Variants in FSIP2 observed in about 807,000 individuals in gnomAD.
FSIP2 encodes fibrous sheath-interacting protein 2.
In FSIP2, 367 loss-of-function variants were observed where a neutral mutation model predicts 510.5. The observed-to-expected ratio is 0.72, with a 90% CI of 0.66 to 0.78. FSIP2 has a LOEUF of 0.78. Among genes scored for constraint, FSIP2 ranks in the 30% least tolerant of loss-of-function variants. The pLI, the probability that FSIP2 is intolerant of heterozygous loss-of-function variation, is 0.00. For missense variants in FSIP2, 7,594 were observed against 7,901.7 expected (o/e 0.96, Z 1.48); for synonymous variants, 2,601 against 2,732.2 (o/e 0.95, Z 1.50).
At chr2:185,768,567 T>C (rs1692543882) in intron 13 of FSIP2, among the ~76,000 whole-genome samples, 1 of 152,182 alleles carries the variant, frequency 6.6e-6, no homozygotes, top group East Asian at 1.9e-4. Flanking sequence ...GGCATATAGT[T>C]ATTTTCCATA....
chr2:185,784,394 G>A (rs187620892), intron 14 of FSIP2, among the ~76,000 whole-genome samples: 2 of 152,098 alleles, frequency 1.3e-5, no homozygotes, highest in East Asian at 1.9e-4. Context: ...TTTAGTGGGG[G>A]TGTAATGGTC....
intron 9 of FSIP2, among the ~76,000 whole-genome samples, chr2:185,759,823 T>A (rs1574159835): frequency 6.6e-6 from 1 of 150,668 alleles, no homozygotes; most frequent in East Asian, 1.9e-4. Flanking sequence ...TCTTCTTCAA[T>A]TTCCTGGAAG....
rs1464154598 is a variant in FSIP2, at chr2:185,795,291, G to A, written c.8155G>A (p.Ala2719Thr). ...TAIGLSHIMSAGDAKNLLDTK... is the reference protein window; with the variant it reads ...TAIGLSHIMSTGDAKNLLDTK... ...CATTGGGTTGTCACACATCATGTCA[G>A]CTGGAGATGCCAAAAATTTACTGGA... is the stretch of plus-strand genomic sequence containing the variant. Residue 2719 changes from alanine (A) to threonine (T), a missense_variant, in exon 16 of 23, where the codon GCT becomes ACT. Ala to Thr is a moderately conservative substitution (Grantham distance 58). Transcript: ENST00000424728. The A allele has an allele frequency of 6.5e-7, 1 of 1,535,082 alleles. No homozygotes were observed. The highest frequency in any genetic ancestry group is 2.0e-5 in the Admixed American group (1 of 50,894).
rs530431459 is a variant in FSIP2, at chr2:185,746,073, T to C, written c.617+505T>C. On this transcript the variant is annotated intron_variant, in intron 5 of 22. Transcript: ENST00000424728. Reference sequence around the variant, plus strand: ...ATTTCTTAGGAAGTAAAGGATGTTATAGTTCTTTTTCCTTCACTAGGGATG... The same window carrying C: ...ATTTCTTAGGAAGTAAAGGATGTTACAGTTCTTTTTCCTTCACTAGGGATG... Among the ~76,000 whole-genome samples the C allele has an allele frequency of 1.1e-4, 16 of 152,256 alleles. 1 individual carries two copies. The South Asian group carries it at 3.3e-3, about 32-fold the overall frequency.
intron 16 of FSIP2, among the ~76,000 whole-genome samples, chr2:185,799,327 A>G (rs1693368073): frequency 6.6e-6 from 1 of 151,800 alleles, no homozygotes; most frequent in Admixed American, 6.6e-5. Context: ...ATTTTAAAAT[A>G]ATTATATGGC....
Position 185,813,722 on chromosome 2 carries a change from G to A in FSIP2, c.20005G>A (p.Val6669Ile). 1 of 1,611,530 alleles carries A rather than the reference G, an allele frequency of 6.2e-7. No homozygotes were observed. Among genetic ancestry groups the A allele is most frequent in the Non-Finnish European group, 8.5e-7 (1 of 1,178,584 alleles). The change falls in exon 18 of 23, where the codon GTT becomes ATT. Residue 6669 changes from valine (V) to isoleucine (I), a missense_variant. Physicochemically the swap from Val to Ile is conservative, Grantham distance 29. Coordinates refer to ENST00000424728, the MANE Select transcript of FSIP2 (RefSeq NM_173651.4). ...EERDSDEDEV[V>I]LTQTFAKEEG... is the part of the protein sequence containing the mutation. ...ACGAGATTCTGATGAAGATGAAGTT[G>A]TTTTAACACAGACTTTTGCAAAAGA... is the stretch of plus-strand genomic sequence containing the variant.
Position 185,791,689 on chromosome 2 carries a change from T to C in FSIP2, c.4553T>C (p.Ile1518Thr). 2.0e-6 allele frequency: 3 copies of C among 1,534,350 alleles called. No individual in the cohort carries two copies. Among genetic ancestry groups the C allele is most frequent in the Non-Finnish European group, 2.6e-6 (3 of 1,145,604 alleles). The change falls in exon 16 of 23, where the codon ATT (isoleucine) becomes ACT (threonine). Residue 1518 changes from isoleucine (I) to threonine (T), a missense_variant. By Grantham distance (89) the Ile-to-Thr change is moderately conservative. Transcript: ENST00000424728. ...AAAGCTATCTCAGAGTCTCTTGACA[T>C]TGACAACCCATCATTTGCTTCAATT... ...GLKAISESLD[I>T]DNPSFASIIE... is the part of the protein sequence containing the mutation.
rs760772171 is a variant in FSIP2, at chr2:185,804,698, C to T, written c.15392C>T (p.Pro5131Leu). The change falls in exon 17 of 23, where the codon CCT (proline) becomes CTT (leucine). Residue 5131 changes from proline (P) to leucine (L), a missense_variant. Physicochemically the swap from Pro to Leu is moderately conservative, Grantham distance 98. Transcript: ENST00000424728. Reference sequence around the variant, plus strand: ...TACAGGCTTCTAGGGCATGTCTTCCCTTCAACTCACACTGAAAATGAACTA... The same window carrying T: ...TACAGGCTTCTAGGGCATGTCTTCCTTTCAACTCACACTGAAAATGAACTA... ...MVYRLLGHVF[P>L]STHTENELKE... The T allele has an allele frequency of 9.8e-6, 15 of 1,531,116 alleles. No individual in the cohort carries two copies. In the South Asian group the frequency reaches 1.2e-4, roughly 12 times the overall value. 94.8% of individuals were successfully genotyped at this position (1,531,116 alleles called of 1,614,324 possible).
At chr2:185,830,502 T>A (rs1035374258) in intron 21 of FSIP2, among the ~76,000 whole-genome samples, 2 of 151,828 alleles carry the variant, frequency 1.3e-5, no homozygotes, top group Non-Finnish European at 2.9e-5. Context: ...GTGCTCAAGG[T>A]CTTTATATAA....
chr2:185,793,899 A>G lies in FSIP2; in HGVS notation c.6763A>G (p.Lys2255Glu), dbSNP rs1196609117. The change falls in exon 16 of 23, where the codon AAA becomes GAA. Residue 2255 changes from lysine (K) to glutamate (E), a missense_variant. Transcript: ENST00000424728. Reference sequence around the variant, plus strand: ...TGAGGAAAATGCTAACTTCATTACTAAAACTATTTTTAAACGTTTGGAATC... The same window carrying G: ...TGAGGAAAATGCTAACTTCATTACTGAAACTATTTTTAAACGTTTGGAATC... ...SCEENANFIT[K>E]TIFKRLESFA... 9.8e-6 allele frequency: 15 copies of G among 1,527,758 alleles called. No homozygotes were observed. The East Asian group carries it at 3.7e-4, about 37-fold the overall frequency. The allele number at this position is 1,527,758 out of a possible 1,614,324, so 94.6% of individuals were successfully genotyped here. A position where few individuals can be genotyped will look rare whatever the true frequency, so the allele number is the denominator to read the frequency against.
chr2:185,813,992 A>T lies in FSIP2; in HGVS notation c.20275A>T (p.Thr6759Ser). The T allele has an allele frequency of 6.2e-7, 1 of 1,613,390 alleles. No individual in the cohort carries two copies. The change falls in exon 18 of 23, where the codon ACG becomes TCG. Residue 6759 changes from threonine to serine, a missense_variant. By Grantham distance (58) the Thr-to-Ser change is moderately conservative. Transcript: ENST00000424728. ...VAELDMATPK[T>S]MPETASSSWE... is the part of the protein sequence containing the mutation. ...TGAGCTTGACATGGCCACACCAAAG[A>T]CGATGCCTGAAACAGCCTCTTCATC...
Position 185,808,894 on chromosome 2 carries a change from G to A in FSIP2, c.19588G>A (p.Val6530Ile), listed in dbSNP as rs1205661794. ...KIVPHVGKKPVKIDPKIISEH... is the reference protein window; with the variant it reads ...KIVPHVGKKPIKIDPKIISEH... ...AGTTCCACATGTTGGAAAAAAACCAGTCAAAATAGATCCAAAAATTATTTC... is the reference window on the plus strand; with the variant it reads ...AGTTCCACATGTTGGAAAAAAACCAATCAAAATAGATCCAAAAATTATTTC... The change falls in exon 17 of 23, where the codon GTC becomes ATC. Residue 6530 changes from valine to isoleucine, a missense_variant. By Grantham distance (29) the Val-to-Ile change is conservative. Coordinates refer to ENST00000424728, the MANE Select transcript of FSIP2 (RefSeq NM_173651.4). 1 of 1,606,164 alleles carries A rather than the reference G, an allele frequency of 6.2e-7. No individual in the cohort carries two copies. Among genetic ancestry groups the A allele is most frequent in the African/African-American group, 1.3e-5 (1 of 74,256 alleles).
intron 21 of FSIP2, among the ~76,000 whole-genome samples, chr2:185,831,024 AC>A (rs906397772): frequency 1.4e-4 from 22 of 151,876 alleles, no homozygotes; most frequent in African/African-American, 5.1e-4. Flanking sequence ...ATACATGAGC[AC>A]CCTTAAGTCT....
At chr2:185,776,678 T>A (rs1182121006) in intron 13 of FSIP2, among the ~76,000 whole-genome samples, 1 of 152,190 alleles carries the variant, frequency 6.6e-6, no homozygotes, top group East Asian at 1.9e-4. Flanking sequence ...ATGACATTTT[T>A]AAGTGTTTTA....
rs1220712237 is a variant in FSIP2 at position 185,805,239 on chromosome 2, G to C, written c.15933G>C (p.Leu5311Phe). The change falls in exon 17 of 23, where the codon TTG (leucine) becomes TTC (phenylalanine). Residue 5311 changes from leucine to phenylalanine, a missense_variant. Coordinates refer to ENST00000424728, the MANE Select transcript of FSIP2 (RefSeq NM_173651.4). ...NEMAELDIMG[L>F]ALKLANSLIR... ...TGGCAGAGCTAGATATTATGGGCTT[G>C]GCTCTAAAACTTGCAAATTCTCTGA... The C allele has an allele frequency of 6.9e-6, 11 of 1,594,436 alleles. No individual in the cohort carries two copies. The highest frequency in any genetic ancestry group is 9.4e-6 in the Non-Finnish European group (11 of 1,172,876).
chr2:185,765,589 C>CTTT (rs1184973205), intron 13 of FSIP2: 2 of 151,998 alleles, frequency 1.3e-5, no homozygotes, highest in Non-Finnish European at 2.9e-5. Context: ...ATGCCTCCAG[C>CTTT]TTTGTTCTTT....
rs202202975 is a variant in FSIP2 at position 185,807,090 on chromosome 2, T to C, written c.17784T>C (p.Tyr5928=). 132 of 1,594,774 alleles carry C rather than the reference T, an allele frequency of 8.3e-5. No homozygotes were observed. Among genetic ancestry groups the C allele is most frequent in the Non-Finnish European group, 2.3e-5 (27 of 1,173,484 alleles). ...CTGTTTGTAATATTTTAAATGACTA[T>C]GGATCTCAAGACTCTATTTGGAAGA... ...HSSVCNILND[Y]GSQDSIWKNI... is the part of the protein sequence containing the mutation. Residue 5928 remains tyrosine, a synonymous_variant, in exon 17 of 23, where the codon TAT becomes TAC. Coordinates refer to ENST00000424728, the MANE Select transcript of FSIP2 (RefSeq NM_173651.4).
chr2:185,786,831 A>T (rs1025017456), intron 15 of FSIP2, among the ~76,000 whole-genome samples: 1 of 151,918 alleles, frequency 6.6e-6, no homozygotes, highest in African/African-American at 2.4e-5. Context: ...ACATGCTCTG[A>T]GACGCTATTT....
chr2:185,754,283 T>C (rs1420833999), intron 8 of FSIP2, among the ~76,000 whole-genome samples: 1 of 151,488 alleles, frequency 6.6e-6, no homozygotes, highest in African/African-American at 2.4e-5. Context: ...ATGGCTTTGT[T>C]ATGCCCGGCC....
Sources: allele counts gnomAD v4.1 joint callset (sites outside exome capture counted in the v4.1 genomes callset), GRCh38; gene constraint gnomAD v4.1.1; transcripts MANE v1.5; gene names NCBI Gene and HGNC (gene_info 2026-07-23, HGNC 2026-07-21).